Variants in TENT4A observed in about 807,000 individuals in gnomAD.
TENT4A encodes DNA polymerase kappa.
In TENT4A, 7 loss-of-function variants were observed where a neutral mutation model predicts 72.8. That is an observed-to-expected ratio of 0.10 (90% confidence interval 0.05 to 0.18). TENT4A has a LOEUF of 0.18. Ranked by LOEUF, TENT4A falls within the 10% of genes least tolerant of loss-of-function variation. The pLI is 1.00. For synonymous variants in TENT4A, 456 were observed against 434.3 expected (o/e 1.05, Z -0.62); for missense variants, 831 against 1,017.7 (o/e 0.82, Z 2.50).
chr5:6,744,279 A>G (rs1033487325), intron 6 of TENT4A, among the ~76,000 whole-genome samples: 3 of 152,224 alleles, frequency 2.0e-5, no homozygotes, highest in Non-Finnish European at 4.4e-5. Flanking sequence ...ATTTTGTCTT[A>G]AATTATATGT....
intron 3 of TENT4A, among the ~76,000 whole-genome samples, chr5:6,739,161 A>G (rs193250011): frequency 4.5e-4 from 68 of 152,384 alleles, no homozygotes; most frequent in African/African-American, 1.5e-3. Context: ...TTTGCATTCT[A>G]AAATACAAAC....
chr5:6,752,184 C>T (rs1196506341), intron 11 of TENT4A, among the ~76,000 whole-genome samples: 1 of 152,208 alleles, frequency 6.6e-6, no homozygotes, highest in Non-Finnish European at 1.5e-5. Context: ...AGCCTTGGGG[C>T]CCTTGAGAGC....
chr5:6,755,105 C>A lies in TENT4A; in HGVS notation c.*160C>A. ...TGTTTCTTCGTGTGGTGGTCGCGTC[C>A]ATCTTCAAGAACAGCTCGTTGTGCT... is the stretch of plus-strand genomic sequence containing the variant. On this transcript the variant is annotated 3_prime_UTR_variant, in exon 13 of 13. Transcript: ENST00000230859. 1.8e-6 allele frequency: 1 copy of A among 552,180 alleles called. No homozygotes were observed. Among genetic ancestry groups the A allele is most frequent in the Non-Finnish European group, 3.1e-6 (1 of 323,404 alleles). The allele number at this position is 552,180 out of a possible 1,614,324, so 34.2% of individuals were successfully genotyped here.
chr5:6,715,585 C>T (rs1417894793), intron 1 of TENT4A, among the ~76,000 whole-genome samples: 1 of 152,092 alleles, frequency 6.6e-6, no homozygotes, highest in Non-Finnish European at 1.5e-5. Context: ...CACAATTTTT[C>T]CCCCCAATTT....
At chr5:6,731,983 G>A (rs138919520) in intron 1 of TENT4A, among the ~76,000 whole-genome samples, 76 of 152,322 alleles carry the variant, frequency 5.0e-4, no homozygotes, top group African/African-American at 1.7e-3. Flanking sequence ...TGGCTTCTGG[G>A]CTATGACCTT....
chr5:6,753,437 C>G (rs1742521605), intron 12 of TENT4A, among the ~76,000 whole-genome samples: 1 of 152,240 alleles, frequency 6.6e-6, no homozygotes, highest in African/African-American at 2.4e-5. Context: ...CTGTCATTCC[C>G]ACGTTGCCTG....
intron 6 of TENT4A, among the ~76,000 whole-genome samples, chr5:6,745,434 C>A (rs1742034951): frequency 6.6e-6 from 1 of 152,220 alleles, no homozygotes; most frequent in African/African-American, 2.4e-5. Flanking sequence ...GTGATGGCCA[C>A]TTCTGCATGG....
At chr5:6,720,973 C>T (rs920847999) in intron 1 of TENT4A, among the ~76,000 whole-genome samples, 1 of 152,176 alleles carries the variant, frequency 6.6e-6, no homozygotes, top group African/African-American at 2.4e-5. Context: ...TCCCCAGAAC[C>T]TTGGCTTCAG....
intron 10 of TENT4A, 38 bp downstream of exon 10, chr5:6,750,541 G>A: frequency 6.7e-7 from 1 of 1,501,464 alleles, no homozygotes; most frequent in Non-Finnish European, 9.0e-7. Flanking sequence ...CTGTTGGACA[G>A]TTTGTGTCTC....
chr5:6,740,928 A>C (rs1741769073), intron 4 of TENT4A, among the ~76,000 whole-genome samples: 1 of 152,224 alleles, frequency 6.6e-6, no homozygotes, highest in Non-Finnish European at 1.5e-5. Context: ...CAGGTGAGGA[A>C]ACTGAGATGC....
intron 1 of TENT4A, among the ~76,000 whole-genome samples, chr5:6,715,279 C>A (rs775887837): frequency 6.6e-6 from 1 of 152,180 alleles, no homozygotes; most frequent in Non-Finnish European, 1.5e-5. Flanking sequence ...AAAGAAAAAA[C>A]CAGATTTGTC....
chr5:6,746,610 C>T (rs1335227721), intron 7 of TENT4A, among the ~76,000 whole-genome samples, 183 bp downstream of exon 7: 4 of 152,186 alleles, frequency 2.6e-5, no homozygotes, highest in African/African-American at 2.4e-5. Flanking sequence ...TTCTAATTAA[C>T]TTTTGTCTTT....
At chr5:6,754,406 T>G (rs904241742) in intron 12 of TENT4A, among the ~76,000 whole-genome samples, 2 of 152,146 alleles carry the variant, frequency 1.3e-5, no homozygotes, top group African/African-American at 4.8e-5. Flanking sequence ...TGACCTCAAG[T>G]GACATGCCTG....
chr5:6,751,032 G>C lies in TENT4A; in HGVS notation c.1861-7G>C, dbSNP rs547007096. 1 of 1,613,694 alleles carries C rather than the reference G, an allele frequency of 6.2e-7. No individual in the cohort carries two copies. The highest frequency in any genetic ancestry group is 8.5e-7 in the Non-Finnish European group (1 of 1,179,722). On this transcript the variant is annotated splice_region_variant and splice_polypyrimidine_tract_variant and intron_variant, in intron 10 of 12. Transcript: ENST00000230859. Reference sequence around the variant, plus strand: ...CTGTCCTTTTTGTTTTTTGTACCGGGTTCAAGGATTCAGACACACCGCCCT... The same window carrying C: ...CTGTCCTTTTTGTTTTTTGTACCGGCTTCAAGGATTCAGACACACCGCCCT...
At chr5:6,742,246 G>A (rs1741842975) in intron 4 of TENT4A, among the ~76,000 whole-genome samples, 1 of 152,120 alleles carries the variant, frequency 6.6e-6, no homozygotes, top group Admixed American at 6.5e-5. Context: ...TCTCTTTGAT[G>A]CTTGGTCACC....
At chr5:6,720,494 G>C (rs1359223837) in intron 1 of TENT4A, among the ~76,000 whole-genome samples, 1 of 152,062 alleles carries the variant, frequency 6.6e-6, no homozygotes, top group African/African-American at 2.4e-5. Context: ...CTATAACCAG[G>C]AGAACCTTTC....
Position 6,746,095 on chromosome 5 carries a change from C to T in TENT4A, c.1246-119C>T, listed in dbSNP as rs999078209. On this transcript the variant is annotated intron_variant, in intron 6 of 12. Transcript: ENST00000230859. ...CTTCCTCGTGGTGCTGGTGAGTGAG[C>T]GAGTGCCACTCACTGGTATTGCCTT... is the stretch of plus-strand genomic sequence containing the variant. The T allele has an allele frequency of 4.1e-5, 63 of 1,546,806 alleles. No homozygotes were observed. The South Asian group carries it at 5.5e-4, about 14-fold the overall frequency.
At chr5:6,738,962 T>G (rs771644009) in intron 3 of TENT4A, among the ~76,000 whole-genome samples, 3 of 152,210 alleles carry the variant, frequency 2.0e-5, no homozygotes, top group South Asian at 2.1e-4. Context: ...GCAAAAATGC[T>G]TCATGCTGGA....
chr5:6,743,987 A>G (rs1579487386), intron 6 of TENT4A, 147 bp downstream of exon 6: 2 of 730,034 alleles, frequency 2.7e-6, no homozygotes, highest in Admixed American at 2.7e-5. Context: ...GATTCTTACA[A>G]TCAAACCCTC....
Sources: gnomAD v4.1 joint callset for allele counts (sites outside exome capture counted in the v4.1 genomes callset) on GRCh38, gnomAD v4.1.1 for gene constraint, MANE v1.5 for transcripts, NCBI Gene and HGNC (gene_info 2026-07-23, HGNC 2026-07-21) for gene names.